Variants in PXDNL observed in about 807,000 individuals in gnomAD.
PXDNL encodes probable oxidoreductase PXDNL.
In PXDNL, 145 loss-of-function variants were observed where a neutral mutation model predicts 150.8. The ratio of observed to expected loss-of-function variants is 0.96; its 90% CI spans 0.84 to 1.10. PXDNL has a LOEUF of 1.10. Among genes scored for constraint, PXDNL ranks in the 50% least tolerant of loss-of-function variants. PXDNL has a pLI of 0.00. For synonymous variants in PXDNL, 757 were observed against 725.7 expected, an observed-to-expected ratio of 1.04 and a Z score of -0.69; for missense variants, 2,087 against 1,873.9, an observed-to-expected ratio of 1.11 and a Z score of -2.10.
At chr8:51,387,766 T>C (rs532693707) in intron 17 of PXDNL, among the ~76,000 whole-genome samples, 1 of 152,220 alleles carries the variant, frequency 6.6e-6, no homozygotes, top group Admixed American at 6.5e-5. Context: ...ACCTTAAATA[T>C]GTTTTCAAGT....
At position 51,493,545 on chromosome 8, in the gene PXDNL, C is replaced by T. The variant is rs551363949; in HGVS notation, c.452+6154G>A. On this transcript the variant is annotated intron_variant, in intron 5 of 22. Transcript: ENST00000356297. ...TTAAAAACCTTGAAAAAAAATTAGACGAATGGCTAACTAGAATAACCAATG... is the reference window on the plus strand; with the variant it reads ...TTAAAAACCTTGAAAAAAAATTAGATGAATGGCTAACTAGAATAACCAATG... 3.9e-5 allele frequency among the ~76,000 whole-genome samples: 6 copies of T among 152,142 alleles called. No homozygotes were observed. The South Asian group carries it at 6.2e-4, about 16-fold the overall frequency.
At chr8:51,775,275 A>C (rs1447432985) in intron 1 of PXDNL, among the ~76,000 whole-genome samples, 1 of 152,210 alleles carries the variant, frequency 6.6e-6, no homozygotes, top group African/African-American at 2.4e-5. Flanking sequence ...CAAAGAGAAG[A>C]AGCTATGTAG....
At chr8:51,569,812 T>C (rs1360219155) in intron 3 of PXDNL, among the ~76,000 whole-genome samples, 1 of 151,984 alleles carries the variant, frequency 6.6e-6, no homozygotes, top group Non-Finnish European at 1.5e-5. Context: ...TGTAAAGCCA[T>C]GTTTCTGACC....
At chr8:51,320,718 A>G in intron 22 of PXDNL, 66 bp downstream of exon 22, 1 of 1,127,822 alleles carries the variant, frequency 8.9e-7, no homozygotes, top group East Asian at 2.4e-5. Context: ...GAATTTTTCA[A>G]GTATGCTTCA....
At chr8:51,512,825 C>T (rs1006864722) in intron 4 of PXDNL, among the ~76,000 whole-genome samples, 3 of 152,132 alleles carry the variant, frequency 2.0e-5, no homozygotes, top group African/African-American at 7.2e-5. Flanking sequence ...CTTCCCTTAA[C>T]ATAAAAAAGA....
chr8:51,605,121 C>T (rs1242555491), intron 2 of PXDNL, among the ~76,000 whole-genome samples: 1 of 151,936 alleles, frequency 6.6e-6, no homozygotes. Context: ...ATATTATTGC[C>T]TTGTACCATA....
intron 1 of PXDNL, among the ~76,000 whole-genome samples, chr8:51,668,387 C>A (rs1421699733): frequency 6.6e-6 from 1 of 151,958 alleles, no homozygotes; most frequent in Non-Finnish European, 1.5e-5. Flanking sequence ...GCTGGCCAGG[C>A]TGGTCTCGAA....
At chr8:51,754,064 G>T (rs958342125) in intron 1 of PXDNL, among the ~76,000 whole-genome samples, 3 of 152,098 alleles carry the variant, frequency 2.0e-5, no homozygotes, top group African/African-American at 7.2e-5. Flanking sequence ...AGAAAGTTTT[G>T]TCAAAACTAT....
intron 2 of PXDNL, among the ~76,000 whole-genome samples, chr8:51,628,399 C>CTTTTTTTT (rs71550276): frequency 2.9e-3 from 199 of 69,736 alleles, no homozygotes; most frequent in Middle Eastern, 0.016. Context: ...CTTTTCTTTT[C>CTTTTTTTT]TTTTTTTTTT....
intron 1 of PXDNL, among the ~76,000 whole-genome samples, chr8:51,720,911 A>C (rs2130915774): frequency 6.6e-6 from 1 of 152,362 alleles, no homozygotes; most frequent in South Asian, 2.1e-4. Flanking sequence ...AGGGAACTCC[A>C]CAGGCTGACA....
intron 3 of PXDNL, among the ~76,000 whole-genome samples, chr8:51,588,634 G>T (rs561409751): frequency 6.6e-6 from 1 of 152,240 alleles, no homozygotes; most frequent in South Asian, 2.1e-4. Context: ...TTTCCTCATT[G>T]AATATTAGTG....
intron 1 of PXDNL, among the ~76,000 whole-genome samples, chr8:51,661,688 C>T (rs770538164): frequency 3.9e-5 from 6 of 152,158 alleles, no homozygotes; most frequent in Admixed American, 2.0e-4. Context: ...CTTATACACA[C>T]GCACATCGCC....
chr8:51,638,622 A>T (rs1007501106), intron 2 of PXDNL, among the ~76,000 whole-genome samples: 1 of 152,208 alleles, frequency 6.6e-6, no homozygotes, highest in Non-Finnish European at 1.5e-5. Context: ...ACATAACAGT[A>T]AAGGGATCAA....
intron 17 of PXDNL, among the ~76,000 whole-genome samples, chr8:51,394,441 T>C (rs756880361): frequency 1.3e-5 from 2 of 152,222 alleles, no homozygotes; most frequent in Non-Finnish European, 2.9e-5. Context: ...ACAGTATCAT[T>C]CCTAAGTCCT....
intron 2 of PXDNL, among the ~76,000 whole-genome samples, chr8:51,604,398 G>C (rs551523762): frequency 1.1e-3 from 168 of 152,054 alleles, no homozygotes; most frequent in African/African-American, 3.8e-3. Flanking sequence ...CTATCGCAAG[G>C]ACAAAAAACC....
intron 1 of PXDNL, among the ~76,000 whole-genome samples, chr8:51,661,996 C>A (rs1017097835): frequency 2.6e-5 from 4 of 152,122 alleles, no homozygotes; most frequent in Admixed American, 2.0e-4. Flanking sequence ...AGCGTCTTCA[C>A]TTTGCTCCTC....
chr8:51,470,110 T>C (rs1810290868), intron 8 of PXDNL, among the ~76,000 whole-genome samples: 1 of 152,088 alleles, frequency 6.6e-6, no homozygotes, highest in Non-Finnish European at 1.5e-5. Context: ...AAATTTAAAT[T>C]GTAAGAAAGC....
chr8:51,725,901 T>A (rs1816810184), intron 1 of PXDNL, among the ~76,000 whole-genome samples: 1 of 152,236 alleles, frequency 6.6e-6, no homozygotes, highest in South Asian at 2.1e-4. Context: ...CTTTGCTTCA[T>A]TAGGCTTAAG....
chr8:51,365,521 C>T (rs1806888663), intron 19 of PXDNL, among the ~76,000 whole-genome samples: 1 of 152,192 alleles, frequency 6.6e-6, no homozygotes, highest in Admixed American at 6.6e-5. Context: ...GGAGCATACT[C>T]CAAGCTCTTG....
Sources: allele counts gnomAD v4.1 joint callset (sites outside exome capture counted in the v4.1 genomes callset), GRCh38; gene constraint gnomAD v4.1.1; transcripts MANE v1.5; gene names NCBI Gene and HGNC (gene_info 2026-07-23, HGNC 2026-07-21).